INTS8: variants seen among roughly 807,000 people sequenced by gnomAD.
INTS8 encodes the protein integrator complex subunit 8.
INTS8 carries 47 observed loss-of-function variants against 138.9 expected under a neutral mutation model. The ratio of observed to expected loss-of-function variants is 0.34; its 90% CI spans 0.27 to 0.43. The LOEUF is 0.43. INTS8 is among the 20% of genes least tolerant of loss of function. INTS8 has a pLI of 1.00. For synonymous variants in INTS8, 392 were observed against 400.9 expected (o/e 0.98, Z 0.27); for missense variants, 996 against 1,173.0 (o/e 0.85, Z 2.20).
intron 14 of INTS8, 47 bp downstream of exon 14, chr8:94,853,962 G>C (rs375829452): frequency 8.5e-7 from 1 of 1,174,240 alleles, no homozygotes; most frequent in South Asian, 1.2e-5. Context: ...ATGCTTTATG[G>C]TCAGGTGCCG....
At chr8:94,869,639 C>T (rs1480980081) in intron 20 of INTS8, among the ~76,000 whole-genome samples, 4 of 151,966 alleles carry the variant, frequency 2.6e-5, no homozygotes, top group South Asian at 2.1e-4. Flanking sequence ...GTTACAGGCA[C>T]GTGCCACCAA....
Position 94,849,966 on chromosome 8 carries a change from C to T in INTS8, c.1382C>T (p.Ser461Leu). The change falls in exon 12 of 27, where the codon TCA becomes TTA. Residue 461 changes from serine to leucine, a missense_variant. Transcript: ENST00000523731. ...CTGCAGTATGTTTTCATGATTTCTTCACATGAGCTTTTCATTACATTGTTG... is the reference window on the plus strand; with the variant it reads ...CTGCAGTATGTTTTCATGATTTCTTTACATGAGCTTTTCATTACATTGTTG... ...EDLQYVFMIS[S>L]HELFITLLKD... is the part of the protein sequence containing the mutation. 3 of 1,612,698 alleles carry T rather than the reference C, an allele frequency of 1.9e-6. No individual in the cohort carries two copies. Among genetic ancestry groups the T allele is most frequent in the Non-Finnish European group, 2.5e-6 (3 of 1,179,118 alleles).
intron 22 of INTS8, among the ~76,000 whole-genome samples, chr8:94,873,972 T>C (rs1816490581): frequency 6.6e-6 from 1 of 152,154 alleles, no homozygotes; most frequent in African/African-American, 2.4e-5. Context: ...ATTTAAGATA[T>C]ACAGAATAAT....
chr8:94,863,042 A>G (rs1429099280), intron 16 of INTS8, among the ~76,000 whole-genome samples: 2 of 152,190 alleles, frequency 1.3e-5, no homozygotes, highest in African/African-American at 2.4e-5. Flanking sequence ...ACTAAAATAT[A>G]CCCTTTTGAA....
intron 21 of INTS8, among the ~76,000 whole-genome samples, chr8:94,872,320 G>A (rs548702572): frequency 1.1e-4 from 17 of 151,944 alleles, no homozygotes; most frequent in Non-Finnish European, 2.4e-4. Context: ...TGCAAACTCC[G>A]CCTCCCGGGT....
intron 16 of INTS8, among the ~76,000 whole-genome samples, chr8:94,860,573 C>T (rs1199898833): frequency 9.9e-6 from 1 of 100,544 alleles, no homozygotes; most frequent in Non-Finnish European, 1.9e-5. Flanking sequence ...GAGCGAAACT[C>T]TACCTCAAAA....
chr8:94,839,710 T>C (rs1231754409), intron 8 of INTS8, among the ~76,000 whole-genome samples: 1 of 152,058 alleles, frequency 6.6e-6, no homozygotes, highest in Non-Finnish European at 1.5e-5. Context: ...TTATGAAGGG[T>C]GAGATCAATT....
At chr8:94,874,832 G>A (rs560404729) in intron 23 of INTS8, among the ~76,000 whole-genome samples, 32 of 152,198 alleles carry the variant, frequency 2.1e-4, no homozygotes, top group African/African-American at 7.7e-4. Context: ...TGGGAAAAAA[G>A]CATTTTTCAG....
chr8:94,869,195 G>C (rs1328619597), intron 20 of INTS8, among the ~76,000 whole-genome samples: 1 of 151,642 alleles, frequency 6.6e-6, no homozygotes, highest in African/African-American at 2.4e-5. Context: ...TGGTCAGGCT[G>C]GTCCCAAACT....
At chr8:94,877,267 A>T (rs1161301859) in intron 26 of INTS8, among the ~76,000 whole-genome samples, 2 of 152,318 alleles carry the variant, frequency 1.3e-5, no homozygotes, top group East Asian at 3.9e-4. Flanking sequence ...ATCACCACAG[A>T]TCTTTTCTTT....
chr8:94,851,469 A>G, intron 12 of INTS8, 84 bp from the exon 13 acceptor site: 2 of 918,040 alleles, frequency 2.2e-6, no homozygotes, highest in Non-Finnish European at 3.1e-6. Context: ...TTATAGATAT[A>G]ATACAAAATA....
intron 10 of INTS8, 130 bp downstream of exon 10, chr8:94,842,618 T>G: frequency 1.5e-6 from 1 of 656,138 alleles, no homozygotes; most frequent in South Asian, 2.0e-5. Flanking sequence ...ATTGGCACTT[T>G]TGACAGACTA....
Position 94,880,935 on chromosome 8 carries a change from C to G in INTS8, c.*701C>G, listed in dbSNP as rs1222012518. On this transcript the variant is annotated 3_prime_UTR_variant, in exon 27 of 27. Coordinates refer to ENST00000523731, the MANE Select transcript of INTS8 (RefSeq NM_017864.4). ...GTTAGGAAGGAGCCACAGCATTTATCTTGTTTATAATTTCTTTGGTACTCC... is the reference window on the plus strand; with the variant it reads ...GTTAGGAAGGAGCCACAGCATTTATGTTGTTTATAATTTCTTTGGTACTCC... 1 of 398,620 alleles carries G rather than the reference C, an allele frequency of 2.5e-6. No individual in the cohort carries two copies. The highest frequency in any genetic ancestry group is 4.4e-6 in the Non-Finnish European group (1 of 225,908). 24.7% of individuals were successfully genotyped at this position (398,620 alleles called of 1,614,324 possible).
intron 16 of INTS8, among the ~76,000 whole-genome samples, chr8:94,865,240 T>C (rs546307534): frequency 1.6e-3 from 238 of 152,310 alleles, no homozygotes; most frequent in African/African-American, 5.4e-3. Flanking sequence ...CTCTTTGCGT[T>C]GTCTCATTTT....
intron 6 of INTS8, among the ~76,000 whole-genome samples, chr8:94,834,477 A>C (rs1371393077): frequency 1.3e-5 from 2 of 152,020 alleles, no homozygotes; most frequent in Middle Eastern, 6.8e-3. Flanking sequence ...GGAGGCCAAG[A>C]TGAGCGGATC....
chr8:94,879,964 A>AT (rs1413113048), intron 26 of INTS8, 154 bp from the exon 27 acceptor site: 3 of 530,484 alleles, frequency 5.7e-6, no homozygotes, highest in Non-Finnish European at 6.8e-6. Flanking sequence ...CTTTATGTTA[A>AT]TTTTTTTCCA....
rs919779328 is a variant in INTS8 at position 94,823,413 on chromosome 8, T to C, written c.-19T>C. ...TGGAGCCGGGAAGCGGCCCTGGTGG[T>C]AGCGGCGGCGGGGGCAGGATGAGCG... On this transcript the variant is annotated 5_prime_UTR_variant, in exon 1 of 27. Transcript: ENST00000523731. 5.3e-6 allele frequency: 8 copies of C among 1,519,942 alleles called. No homozygotes were observed. In the Admixed American group the frequency reaches 1.8e-4, roughly 33 times the overall value. The allele number at this position is 1,519,942 out of a possible 1,614,324, so 94.2% of individuals were successfully genotyped here.
intron 12 of INTS8, among the ~76,000 whole-genome samples, chr8:94,851,191 T>C (rs1431063080): frequency 2.0e-5 from 3 of 152,152 alleles, no homozygotes; most frequent in African/African-American, 7.2e-5. Flanking sequence ...TTATATATGC[T>C]TCTGTTAACA....
intron 23 of INTS8, among the ~76,000 whole-genome samples, chr8:94,875,687 T>C (rs1816543074): frequency 6.6e-6 from 1 of 152,194 alleles, no homozygotes; most frequent in Non-Finnish European, 1.5e-5. Context: ...ATGTTTTCTA[T>C]GTTAAGCAGA....
Sources: allele counts gnomAD v4.1 joint callset (sites outside exome capture counted in the v4.1 genomes callset), GRCh38; gene constraint gnomAD v4.1.1; transcripts MANE v1.5; gene names NCBI Gene and HGNC (gene_info 2026-07-23, HGNC 2026-07-21).